ZNF385D: variants seen among roughly 807,000 people sequenced by gnomAD.
The protein encoded by ZNF385D is zinc finger protein 659.
Under a neutral mutation model 35.8 loss-of-function variants are expected in ZNF385D, and 15 were observed. The observed-to-expected ratio is 0.42, with a 90% confidence interval of 0.28 to 0.64. The LOEUF (loss-of-function observed/expected upper bound fraction) is 0.64. ZNF385D is among the 30% of genes least tolerant of loss of function. ZNF385D has a pLI of 0.23. For synonymous variants in ZNF385D, 212 were observed against 186.8 expected, an observed-to-expected ratio of 1.13 and a Z score of -1.10; for missense variants, 474 against 494.6, an observed-to-expected ratio of 0.96 and a Z score of 0.39.
chr3:21,765,387 A>G (rs1036563210), intron 3 of ZNF385D, among the ~76,000 whole-genome samples: 1 of 152,128 alleles, frequency 6.6e-6, no homozygotes, highest in African/African-American at 2.4e-5. Context: ...TGCTTATTTC[A>G]TATGAAATAC....
intron 3 of ZNF385D, among the ~76,000 whole-genome samples, chr3:21,833,349 C>T (rs2125769189): frequency 6.6e-6 from 1 of 152,224 alleles, no homozygotes; most frequent in East Asian, 1.9e-4. Context: ...AATTAAGGAT[C>T]TTAAGAGAAA....
chr3:21,701,465 T>C (rs184785611), intron 1 of ZNF385D, among the ~76,000 whole-genome samples: 4 of 152,200 alleles, frequency 2.6e-5, no homozygotes, highest in East Asian at 1.9e-4. Context: ...TTCTGGGAGA[T>C]AGAATTCAAC....
chr3:21,443,508 G>C (rs985622698), intron 4 of ZNF385D, among the ~76,000 whole-genome samples: 2 of 152,176 alleles, frequency 1.3e-5, no homozygotes, highest in African/African-American at 4.8e-5. Flanking sequence ...ATATGCAAGA[G>C]TAATAGGACT....
rs578232186 is a variant in ZNF385D at position 21,851,972 on chromosome 3, C to G, written c.326-186944G>C. Among the ~76,000 whole-genome samples, 4 of 152,120 alleles carry G rather than the reference C, an allele frequency of 2.6e-5. No individual in the cohort carries two copies. In the East Asian group the frequency reaches 7.8e-4, roughly 29 times the overall value. On this transcript the variant is annotated intron_variant, in intron 3 of 5. Transcript: ENST00000494108. The stretch of plus-strand genomic sequence containing the variant: ...ACAATTTCCAATCATTTATTACTGT[C>G]TGATATTGTTACTTATCTTTCTCTT...
At chr3:22,009,872 T>A (rs928152526) in intron 3 of ZNF385D, among the ~76,000 whole-genome samples, 1 of 151,914 alleles carries the variant, frequency 6.6e-6, no homozygotes, top group Non-Finnish European at 1.5e-5. Flanking sequence ...TAGATTTGTG[T>A]TATAAGCCTA....
chr3:21,935,848 G>A (rs528635361), intron 3 of ZNF385D, among the ~76,000 whole-genome samples: 78 of 152,260 alleles, frequency 5.1e-4, no homozygotes, highest in African/African-American at 1.8e-3. Flanking sequence ...CTAAGCAGGA[G>A]TCCACATCAT....
rs575003276 is a variant in ZNF385D, at chr3:21,484,570, A to C, written c.439+26291T>G. ...AAGGATATGTAAAGGGTCTAGATCC[A>C]TTGTCACAAGATGGGAATGGTCAAG... On this transcript the variant is annotated intron_variant, in intron 4 of 7. Transcript: ENST00000281523. 2.0e-5 allele frequency among the ~76,000 whole-genome samples: 3 copies of C among 152,294 alleles called. No homozygotes were observed. In the South Asian group the frequency reaches 6.2e-4, roughly 32 times the overall value.
chr3:22,189,607 C>A (rs1205025323), intron 2 of ZNF385D, among the ~76,000 whole-genome samples: 2 of 152,060 alleles, frequency 1.3e-5, no homozygotes, highest in African/African-American at 4.8e-5. Context: ...TGTAGATTTG[C>A]AGATCTAAAG....
intron 2 of ZNF385D, among the ~76,000 whole-genome samples, chr3:21,571,578 A>G (rs527575504): frequency 6.6e-6 from 1 of 152,252 alleles, no homozygotes; most frequent in East Asian, 1.9e-4. Context: ...GCCACTAACT[A>G]TCCAGAGTTG....
At chr3:22,194,220 A>G (rs1696254729) in intron 2 of ZNF385D, among the ~76,000 whole-genome samples, 1 of 151,882 alleles carries the variant, frequency 6.6e-6, no homozygotes, top group Non-Finnish European at 1.5e-5. Context: ...AATTTTGCAT[A>G]AGCCATTTTT....
intron 2 of ZNF385D, among the ~76,000 whole-genome samples, chr3:22,238,898 T>G (rs977859770): frequency 1.7e-4 from 26 of 150,208 alleles, no homozygotes; most frequent in Admixed American, 6.6e-5. Context: ...ATGCAGTTAT[T>G]TTTTCTTTTG....
intron 4 of ZNF385D, among the ~76,000 whole-genome samples, chr3:21,510,094 C>G (rs1186106316): frequency 6.6e-6 from 1 of 152,104 alleles, no homozygotes; most frequent in East Asian, 1.9e-4. Context: ...TCTCTGTGTT[C>G]TAGAAAGTGA....
intron 3 of ZNF385D, among the ~76,000 whole-genome samples, chr3:21,880,394 A>T (rs149941079): frequency 1.7e-3 from 263 of 152,028 alleles, no homozygotes; most frequent in East Asian, 8.3e-3. Context: ...CAATATTCAA[A>T]TTCTTTCACT....
chr3:22,314,411 T>C (rs1002986504), intron 2 of ZNF385D, among the ~76,000 whole-genome samples: 1 of 152,188 alleles, frequency 6.6e-6, no homozygotes, highest in African/African-American at 2.4e-5. Context: ...TTTAGAATAA[T>C]AGTCTCCAAT....
At chr3:22,209,537 A>G (rs746595393) in intron 2 of ZNF385D, among the ~76,000 whole-genome samples, 1 of 151,882 alleles carries the variant, frequency 6.6e-6, no homozygotes, top group African/African-American at 2.4e-5. Flanking sequence ...AAAAAATATA[A>G]ACATGAACTA....
chr3:21,925,423 C>T (rs1700678061), intron 3 of ZNF385D, among the ~76,000 whole-genome samples: 1 of 152,082 alleles, frequency 6.6e-6, no homozygotes, highest in Non-Finnish European at 1.5e-5. Context: ...TACACAAAAA[C>T]ATGTTTAGCT....
In ZNF385D at chr3:21,425,429, C is replaced by T. The variant is rs757226046; in HGVS notation, c.852+63G>A. 6.7e-4 allele frequency: 965 copies of T among 1,446,832 alleles called. 2 individuals carry two copies. Among genetic ancestry groups the T allele is most frequent in the Non-Finnish European group, 8.3e-4 (907 of 1,086,290 alleles). The allele number at this position is 1,446,832 out of a possible 1,614,324, so 89.6% of individuals were successfully genotyped here. On this transcript the variant is annotated intron_variant, in intron 6 of 7. Transcript: ENST00000281523. ...GACAGAAATAAAAAGGAAGGAAGCACACACATCCTGCTTATAAGGCTGTCC... is the reference window on the plus strand; with the variant it reads ...GACAGAAATAAAAAGGAAGGAAGCATACACATCCTGCTTATAAGGCTGTCC...
chr3:21,767,847 AT>A (rs1481001792), intron 3 of ZNF385D, among the ~76,000 whole-genome samples: 12 of 152,256 alleles, frequency 7.9e-5, no homozygotes, highest in African/African-American at 2.9e-4. Context: ...AAATTTCTTT[AT>A]AATAATAAAG....
intron 3 of ZNF385D, among the ~76,000 whole-genome samples, chr3:21,901,639 T>C (rs1384440658): frequency 6.6e-6 from 1 of 152,152 alleles, no homozygotes; most frequent in Non-Finnish European, 1.5e-5. Flanking sequence ...GATTAAAGTT[T>C]AGGATGGTTA....
Sources: gnomAD v4.1 joint callset for allele counts (sites outside exome capture counted in the v4.1 genomes callset) on GRCh38, gnomAD v4.1.1 for gene constraint, MANE v1.5 for transcripts, NCBI Gene and HGNC (gene_info 2026-07-23, HGNC 2026-07-21) for gene names.